TCF20: variants seen among roughly 807,000 people sequenced by gnomAD.
The protein encoded by TCF20 is SPRE-binding protein.
A neutral mutation model predicts 148.6 loss-of-function variants in TCF20; 3 were observed. The observed-to-expected ratio is 0.02, with a 90% CI of 0.01 to 0.05. TCF20 has a LOEUF of 0.05. Among genes scored for constraint, TCF20 ranks in the 10% least tolerant of loss-of-function variants. TCF20 has a pLI of 1.00. For synonymous variants in TCF20, 1,049 were observed against 909.5 expected (o/e 1.15, Z -2.76); for missense variants, 2,350 against 2,429.3 (o/e 0.97, Z 0.69).
intron 1 of TCF20, among the ~76,000 whole-genome samples, chr22:42,234,930 G>C (rs1438316087): frequency 6.6e-6 from 1 of 152,124 alleles, no homozygotes; most frequent in Non-Finnish European, 1.5e-5. Context: ...CACGAGGTCA[G>C]GAGTTCAAGA....
intron 2 of TCF20, among the ~76,000 whole-genome samples, chr22:42,197,322 C>CTT (rs546243265): frequency 1.8e-3 from 240 of 134,192 alleles, no homozygotes; most frequent in Non-Finnish European, 1.7e-3. Context: ...AGATGAGAAA[C>CTT]TTTTTTTTTT....
At chr22:42,305,183 T>G (rs1352208757) in intron 1 of TCF20, among the ~76,000 whole-genome samples, 3 of 152,012 alleles carry the variant, frequency 2.0e-5, no homozygotes, top group African/African-American at 7.3e-5. Flanking sequence ...ACGCTCCAGC[T>G]CCAGCACTGC....
chr22:42,309,524 C>T (rs1487007286), intron 1 of TCF20, among the ~76,000 whole-genome samples: 2 of 151,936 alleles, frequency 1.3e-5, no homozygotes, highest in East Asian at 3.9e-4. Context: ...GCCCCCGCTG[C>T]CCCAGGCTCC....
Position 42,211,016 on chromosome 22 carries a change from A to G in TCF20, c.4290T>C (p.Leu1430=). 6.2e-7 allele frequency: 1 copy of G among 1,614,112 alleles called. No individual in the cohort carries two copies. The highest frequency in any genetic ancestry group is 1.1e-5 in the South Asian group (1 of 91,080). Residue 1430 remains leucine, a synonymous_variant, in exon 2 of 6, where the codon CTT becomes CTC. Coordinates refer to ENST00000677622, the MANE Select transcript of TCF20 (RefSeq NM_001378418.1). ...ANQELHVEKP[L]PRSSEEWRGS... ...CACGCCACTCTTCTGAAGACCTTGGAAGAGGTTTCTCTACGTGCAACTCCT... is the reference window on the plus strand; with the variant it reads ...CACGCCACTCTTCTGAAGACCTTGGGAGAGGTTTCTCTACGTGCAACTCCT...
Position 42,290,175 on chromosome 22 carries a change from G to A in TCF20, c.-37+53304C>T, listed in dbSNP as rs889297523. ...GGCCCCAATCCTTGCTGGGGGCCAG[G>A]GCCAGAGGTGGGCCAGAGCCTGCAG... On this transcript the variant is annotated intron_variant, in intron 1 of 1. Transcript: ENST00000515426. This position sits in a 1 kb window ranked among gnomAD's most constrained non-coding sequence, Gnocchi z 4.2. Among the ~76,000 whole-genome samples, 5 of 151,960 alleles carry A rather than the reference G, an allele frequency of 3.3e-5. No individual in the cohort carries two copies. Among genetic ancestry groups the A allele is most frequent in the Admixed American group, 2.6e-4 (4 of 15,286 alleles).
rs745763431 is a variant in TCF20, at chr22:42,209,983, T to TCTG, written c.5320_5322dup (p.Gln1774dup). The TCTG allele has an allele frequency of 6.1e-5, 99 of 1,613,420 alleles. No homozygotes were observed. Among genetic ancestry groups the TCTG allele is most frequent in the South Asian group, 8.8e-5 (8 of 91,084 alleles). ...TGTGCGGCCAGGCTTCTCTGCTCCTTCTGCTGCTGCTGCTGCTCTTCCTCC... is the reference window on the plus strand; with the variant it reads ...TGTGCGGCCAGGCTTCTCTGCTCCTTCTGCTGCTGCTGCTGCTGCTCTTCCTCC... On this transcript the variant is annotated inframe_insertion, in exon 2 of 6. Transcript: ENST00000677622.
intron 2 of TCF20, among the ~76,000 whole-genome samples, chr22:42,184,807 TAAG>T (rs1341863024): frequency 6.6e-6 from 1 of 152,194 alleles, no homozygotes; most frequent in African/African-American, 2.4e-5. Context: ...AGAACTCTAA[TAAG>T]AACCTCACAT....
intron 1 of TCF20, among the ~76,000 whole-genome samples, chr22:42,318,306 T>C (rs1313037168): frequency 6.6e-6 from 1 of 152,142 alleles, no homozygotes; most frequent in Non-Finnish European, 1.5e-5. Flanking sequence ...GTTCAATATA[T>C]AATTTACTTA....
rs1436217952 is a variant in TCF20 at position 42,290,118 on chromosome 22, A to C, written c.-37+53361T>G. Among the ~76,000 whole-genome samples the C allele has an allele frequency of 6.6e-6, 1 of 152,124 alleles. No individual in the cohort carries two copies. The highest frequency in any genetic ancestry group is 2.4e-5 in the African/African-American group (1 of 41,438). On this transcript the variant is annotated intron_variant, in intron 1 of 1. Coordinates refer to the TCF20 transcript ENST00000515426. This position sits in a 1 kb window ranked among gnomAD's most constrained non-coding sequence, Gnocchi z 4.2. ...GCTGCTTGGGGAGCGGGGGTCAGCC[A>C]GGGGGACAAGGGCCAGCAGGAGGCA...
intron 1 of TCF20, among the ~76,000 whole-genome samples, chr22:42,222,157 A>C (rs1191420116): frequency 6.6e-6 from 1 of 152,206 alleles, no homozygotes; most frequent in Non-Finnish European, 1.5e-5. Flanking sequence ...TTTCTAAAAG[A>C]CAACAAATGC....
intron 1 of TCF20, among the ~76,000 whole-genome samples, chr22:42,325,150 C>G (rs937328580): frequency 6.6e-6 from 1 of 152,256 alleles, no homozygotes; most frequent in Admixed American, 6.5e-5. Context: ...CCAGCGCCCC[C>G]CTAACCAGAG....
upstream of TCF20, among the ~76,000 whole-genome samples, chr22:42,284,774 G>A (rs1052048392): frequency 5.3e-5 from 8 of 152,212 alleles, no homozygotes; most frequent in Non-Finnish European, 8.8e-5. Context: ...CGTCCGTTCC[G>A]AGGGGCTGAG....
chr22:42,302,211 G>A (rs1360372445), intron 1 of TCF20, among the ~76,000 whole-genome samples: 5 of 152,156 alleles, frequency 3.3e-5, no homozygotes, highest in African/African-American at 1.2e-4. Flanking sequence ...CTCCAGATGG[G>A]GAAACTGAGA....
At chr22:42,163,396 C>T (rs530535139) in intron 5 of TCF20, among the ~76,000 whole-genome samples, 163 of 152,298 alleles carry the variant, frequency 1.1e-3, no homozygotes, top group African/African-American at 3.3e-3. Flanking sequence ...CCCAAACACA[C>T]GATATCCTGA....
chr22:42,222,281 G>A (rs1922450659), intron 1 of TCF20, among the ~76,000 whole-genome samples: 1 of 151,950 alleles, frequency 6.6e-6, no homozygotes, highest in East Asian at 1.9e-4. Flanking sequence ...CAAGCAAGAA[G>A]CTTTAGAATA....
intron 1 of TCF20, among the ~76,000 whole-genome samples, chr22:42,282,464 G>C (rs1460005717): frequency 2.0e-5 from 3 of 152,248 alleles, no homozygotes; most frequent in Non-Finnish European, 2.9e-5. Flanking sequence ...ACAGCCCCTG[G>C]CTGCAGAGCT....
Position 42,210,177 on chromosome 22 carries a change from T to C in TCF20, c.5129A>G (p.Lys1710Arg). ...ACCCATGTTCCGGTAACTGGCCCAC[T>C]TGCCACACAGACAGCAAACCAGGTG... The part of the protein sequence containing the change: ...MGHLVCCLCG[K>R]WASYRNMGDL... Residue 1710 changes from lysine (K) to arginine (R), a missense_variant, in exon 2 of 6, where the codon AAG (lysine) becomes AGG (arginine). By Grantham distance (26) the Lys-to-Arg change is conservative. Transcript: ENST00000677622. The surrounding 1 kb of genome is among the most constrained non-coding windows in gnomAD (Gnocchi z 4.7). The C allele has an allele frequency of 6.2e-7, 1 of 1,614,160 alleles. No homozygotes were observed. The highest frequency in any genetic ancestry group is 8.5e-7 in the Non-Finnish European group (1 of 1,180,026).
intron 1 of TCF20, among the ~76,000 whole-genome samples, chr22:42,255,079 T>A (rs977809906): frequency 1.6e-4 from 24 of 150,144 alleles, no homozygotes; most frequent in Non-Finnish European, 3.1e-4. Flanking sequence ...TCACTCAACC[T>A]CCGTTATTCA....
chr22:42,222,373 T>C (rs141381238), intron 1 of TCF20, among the ~76,000 whole-genome samples: 12 of 152,222 alleles, frequency 7.9e-5, no homozygotes, highest in African/African-American at 2.9e-4. Context: ...GTATTTGTCC[T>C]TTCCCATTCC....
Sources: gnomAD v4.1 joint callset for allele counts (sites outside exome capture counted in the v4.1 genomes callset) on GRCh38, gnomAD v4.1.1 for gene constraint, Gnocchi (gnomAD v3.1) non-coding constraint, MANE v1.5 for transcripts, NCBI Gene and HGNC (gene_info 2026-07-23, HGNC 2026-07-21) for gene names.